The following SRGAP3 variants were observed in gnomAD, a reference collection of about 807,000 sequenced individuals.
The protein encoded by SRGAP3 is SLIT-ROBO Rho GTPase-activating protein 3.
A neutral mutation model predicts 121.1 loss-of-function variants in SRGAP3; 39 were observed. That is an observed-to-expected ratio of 0.32 (90% CI 0.25 to 0.42). SRGAP3 has a LOEUF of 0.42. Among genes scored for constraint, SRGAP3 ranks in the 10% least tolerant of loss-of-function variants. SRGAP3 has a pLI of 1.00. For synonymous variants in SRGAP3, 601 were observed against 570.0 expected, an observed-to-expected ratio of 1.05 and a Z score of -0.77; for missense variants, 1,213 against 1,470.6, an observed-to-expected ratio of 0.82 and a Z score of 2.86.
intron 14 of SRGAP3, among the ~76,000 whole-genome samples, chr3:9,020,382 C>A (rs1338308227): frequency 6.6e-6 from 1 of 151,582 alleles, no homozygotes; most frequent in African/African-American, 2.4e-5. Context: ...CTTAGTTGAA[C>A]TGGGGTGGGG....
In SRGAP3 at chr3:8,985,876, C is replaced by T. The variant is rs1338085746; in HGVS notation, c.2943G>A (p.Gln981=). The T allele has an allele frequency of 6.2e-7, 1 of 1,600,058 alleles. No individual in the cohort carries two copies. Among genetic ancestry groups the T allele is most frequent in the Admixed American group, 1.7e-5 (1 of 60,018 alleles). ...ALHELRELER[Q]NTVKQAPDVV... ...CATCTGGCGCCTGCTTGACCGTGTT[C>T]TGCCTCTCGAGTTCCCGCAACTCGT... Residue 981 remains glutamine (Q), a synonymous_variant, in exon 22 of 22, where the codon CAG becomes CAA. Coordinates refer to ENST00000383836, the MANE Select transcript of SRGAP3 (RefSeq NM_014850.4). This position sits in a 1 kb window ranked among gnomAD's most constrained non-coding sequence, Gnocchi z 5.1.
In SRGAP3 at chr3:9,191,157, T is replaced by A. The variant is rs187911265; in HGVS notation, c.67+57728A>T. Among the ~76,000 whole-genome samples, 87 of 152,232 alleles carry A rather than the reference T, an allele frequency of 5.7e-4. 1 individual carries two copies. The highest frequency in any genetic ancestry group is 4.5e-3 in the Admixed American group (69 of 15,292). On this transcript the variant is annotated intron_variant, in intron 1 of 21. Transcript: ENST00000383836. ...GAGCATAGGTGTGGAGTCGCCCTCATTCACCACTTTAGAGAGACTGGAACA... is the reference window on the plus strand; with the variant it reads ...GAGCATAGGTGTGGAGTCGCCCTCAATCACCACTTTAGAGAGACTGGAACA...
At chr3:9,290,788 T>G (rs1430144877) in intron 3 of SRGAP3, among the ~76,000 whole-genome samples, 1 of 152,166 alleles carries the variant, frequency 6.6e-6, no homozygotes, top group Non-Finnish European at 1.5e-5. Context: ...CCCAGAGCCG[T>G]GAGTCAGAGC....
chr3:9,004,588 T>C lies in SRGAP3; in HGVS notation c.2227+5720A>G, dbSNP rs563998243. Among the ~76,000 whole-genome samples the C allele has an allele frequency of 3.3e-5, 5 of 152,350 alleles. No homozygotes were observed. In the East Asian group the frequency reaches 5.8e-4, roughly 18 times the overall value. Reference sequence around the variant, plus strand: ...GAGATAGACATATTGGTCAGTGGAATAGCATTGCAAGTTCAAAAATAAACC... The same window carrying C: ...GAGATAGACATATTGGTCAGTGGAACAGCATTGCAAGTTCAAAAATAAACC... On this transcript the variant is annotated intron_variant, in intron 18 of 21. Coordinates refer to ENST00000383836, the MANE Select transcript of SRGAP3 (RefSeq NM_014850.4).
At chr3:9,219,244 T>A (rs1368942932) in intron 1 of SRGAP3, 1 of 152,282 alleles carries the variant, frequency 6.6e-6, no homozygotes, top group East Asian at 1.9e-4. Flanking sequence ...CAAGAAAGAC[T>A]TTCCTAGCAA....
chr3:9,073,036 C>G (rs144412522), intron 4 of SRGAP3, among the ~76,000 whole-genome samples: 259 of 152,360 alleles, frequency 1.7e-3, no homozygotes, highest in African/African-American at 6.0e-3. Flanking sequence ...TTGATTTTCA[C>G]TTAACTAACA....
chr3:9,047,117 C>T (rs1365431586), intron 10 of SRGAP3, among the ~76,000 whole-genome samples: 1 of 152,178 alleles, frequency 6.6e-6, no homozygotes, highest in Admixed American at 6.5e-5. Context: ...CAGGCGTGAG[C>T]CACCGTGCCC....
At chr3:9,352,501 T>C (rs2125295340) in intron 1 of SRGAP3, among the ~76,000 whole-genome samples, 1 of 152,272 alleles carries the variant, frequency 6.6e-6, no homozygotes, top group South Asian at 2.1e-4. Flanking sequence ...CTCAAACTCC[T>C]GACCTCAGGT....
intron 1 of SRGAP3, among the ~76,000 whole-genome samples, chr3:9,354,367 G>A (rs13069009): frequency 0.15 from 23,522 of 152,060 alleles, 2,349 homozygotes; most frequent in African/African-American, 0.27. Flanking sequence ...TTCTACCCAG[G>A]ACCTTGTTTT....
intron 10 of SRGAP3, among the ~76,000 whole-genome samples, chr3:9,046,767 A>C (rs2125138516): frequency 6.6e-6 from 1 of 151,882 alleles, no homozygotes; most frequent in African/African-American, 2.4e-5. Context: ...CCCCTCTATC[A>C]CTTTGCCTTG....
chr3:9,253,970 C>T (rs1574944807), upstream of SRGAP3, among the ~76,000 whole-genome samples: 2 of 152,122 alleles, frequency 1.3e-5, no homozygotes, highest in Non-Finnish European at 2.9e-5. Flanking sequence ...CCAACTGTGT[C>T]ACAAAACCCA....
intron 18 of SRGAP3, among the ~76,000 whole-genome samples, chr3:8,994,859 T>G (rs1479393999): frequency 6.6e-6 from 1 of 152,198 alleles, no homozygotes; most frequent in Non-Finnish European, 1.5e-5. Flanking sequence ...TTAACACAAG[T>G]TCTATTAATA....
At chr3:8,987,782 G>A (rs898568410) in intron 21 of SRGAP3, among the ~76,000 whole-genome samples, 4 of 152,138 alleles carry the variant, frequency 2.6e-5, no homozygotes, top group African/African-American at 4.8e-5. Context: ...CGCTGTGGGG[G>A]CAATTTTCTG....
chr3:9,019,941 A>G (rs1475552284), intron 14 of SRGAP3, among the ~76,000 whole-genome samples: 1 of 152,164 alleles, frequency 6.6e-6, no homozygotes, highest in South Asian at 2.1e-4. Flanking sequence ...GAAGGAAGAG[A>G]GAAAATAAAC....
At chr3:9,321,153 A>T (rs1955432278) in intron 3 of SRGAP3, among the ~76,000 whole-genome samples, 1 of 151,808 alleles carries the variant, frequency 6.6e-6, no homozygotes, top group Non-Finnish European at 1.5e-5. Context: ...GTGTTCAGAC[A>T]ACAGCCCCAG....
At position 9,222,345 on chromosome 3, in the gene SRGAP3, G is replaced by A. The variant is rs532402385; in HGVS notation, c.67+26540C>T. On this transcript the variant is annotated intron_variant, in intron 1 of 21. Transcript: ENST00000383836. ...ATGAGAGGAAGTGTACTACCGATTC[G>A]TAGAACAAACCAGGGCTCCCTGGCC... Among the ~76,000 whole-genome samples, 3 of 152,312 alleles carry A rather than the reference G, an allele frequency of 2.0e-5. 1 individual carries two copies. Among genetic ancestry groups the A allele is most frequent in the South Asian group, 4.1e-4 (2 of 4,824 alleles).
chr3:9,230,440 C>A (rs552254892), intron 1 of SRGAP3, among the ~76,000 whole-genome samples: 53 of 152,316 alleles, frequency 3.5e-4, no homozygotes, highest in Non-Finnish European at 6.2e-4. Flanking sequence ...AGCCTTTTGG[C>A]ATGCCACTGG....
chr3:9,143,429 T>A (rs1949926617), intron 1 of SRGAP3, among the ~76,000 whole-genome samples: 1 of 152,208 alleles, frequency 6.6e-6, no homozygotes, highest in Admixed American at 6.5e-5. Context: ...GACTCTCTTA[T>A]GTTCTCCCTT....
At chr3:9,171,351 C>G (rs776224151) in intron 1 of SRGAP3, among the ~76,000 whole-genome samples, 2 of 152,254 alleles carry the variant, frequency 1.3e-5, no homozygotes, top group African/African-American at 2.4e-5. Flanking sequence ...AATCCCCACT[C>G]TGCCACTTAA....
Sources: gnomAD v4.1 joint callset for allele counts (sites outside exome capture counted in the v4.1 genomes callset) on GRCh38, gnomAD v4.1.1 for gene constraint, Gnocchi (gnomAD v3.1) non-coding constraint, MANE v1.5 for transcripts, NCBI Gene and HGNC (gene_info 2026-07-23, HGNC 2026-07-21) for gene names.